Variants in IGSF11 observed in about 807,000 individuals in gnomAD.
IGSF11 encodes CXADR like 1.
Under a neutral mutation model 41.0 loss-of-function variants are expected in IGSF11, and 22 were observed. The observed-to-expected ratio is 0.54, with a 90% CI of 0.38 to 0.77. The LOEUF (loss-of-function observed/expected upper bound fraction) is 0.77. IGSF11 is among the 30% of genes least tolerant of loss of function. The probability of loss-of-function intolerance (pLI) is 0.00; values close to 1 mark genes in which losing one functional copy is unlikely to be tolerated. For missense variants in IGSF11, 444 were observed against 530.8 expected, an observed-to-expected ratio of 0.84 and a Z score of 1.61; for synonymous variants, 219 against 201.3, an observed-to-expected ratio of 1.09 and a Z score of -0.74.
At chr3:118,968,072 G>A (rs1353343536) in intron 1 of IGSF11, among the ~76,000 whole-genome samples, 1 of 152,160 alleles carries the variant, frequency 6.6e-6, no homozygotes, top group African/African-American at 2.4e-5. Flanking sequence ...CAAATTATTT[G>A]TAAGGTGCCA....
chr3:118,948,302 GGCAGAGGAGTACTTATCT>G (rs1476002895), intron 1 of IGSF11: 1 of 152,190 alleles, frequency 6.6e-6, no homozygotes, highest in Non-Finnish European at 1.5e-5. Flanking sequence ...GGGAGGAAAA[GGCAGAGGAGTACTTATCT>G]GCAGGAAATC....
intron 1 of IGSF11, among the ~76,000 whole-genome samples, chr3:118,931,196 T>C (rs924661723): frequency 6.6e-6 from 1 of 152,152 alleles, no homozygotes; most frequent in African/African-American, 2.4e-5. Context: ...ATTCTGAATA[T>C]AAAATCAACA....
chr3:119,046,097 C>G (rs1201472109), intron 1 of IGSF11, among the ~76,000 whole-genome samples: 4 of 151,670 alleles, frequency 2.6e-5, no homozygotes, highest in Admixed American at 2.6e-4. Context: ...CTCTCCACCT[C>G]CAAAGGAACG....
At chr3:119,005,429 T>C (rs984404340) in intron 1 of IGSF11, among the ~76,000 whole-genome samples, 1 of 151,300 alleles carries the variant, frequency 6.6e-6, no homozygotes, top group Non-Finnish European at 1.5e-5. Context: ...CTCGCCAGTC[T>C]GTGTCTTTTA....
At chr3:118,943,026 CCTGGAGA>C (rs1377719710) in intron 1 of IGSF11, 2 of 152,256 alleles carry the variant, frequency 1.3e-5, no homozygotes, top group Non-Finnish European at 2.9e-5. Context: ...GTATGGCTGT[CCTGGAGA>C]CTGGAGCTCT....
intron 5 of IGSF11, 75 bp downstream of exon 5, chr3:118,905,521 C>T (rs1559870112): frequency 2.7e-6 from 4 of 1,482,536 alleles, no homozygotes; most frequent in Non-Finnish European, 3.7e-6. Context: ...TTCAGCAGAA[C>T]CCTTCATTTT....
intron 1 of IGSF11, among the ~76,000 whole-genome samples, chr3:119,057,642 CA>C (rs1269603275): frequency 6.6e-6 from 1 of 152,108 alleles, no homozygotes; most frequent in Non-Finnish European, 1.5e-5. Flanking sequence ...CATGTGGAAC[CA>C]AAAAAGAACC....
At chr3:118,985,019 G>A (rs1011084003) in intron 1 of IGSF11, among the ~76,000 whole-genome samples, 2 of 152,004 alleles carry the variant, frequency 1.3e-5, no homozygotes, top group Admixed American at 6.6e-5. Context: ...GAATACATCC[G>A]GACTTTTTCT....
At chr3:119,033,169 G>C (rs79359004) in intron 1 of IGSF11, among the ~76,000 whole-genome samples, 1 of 152,124 alleles carries the variant, frequency 6.6e-6, no homozygotes, top group African/African-American at 2.4e-5. Flanking sequence ...TACAAAAAGA[G>C]GAGCATTTAT....
intron 1 of IGSF11, among the ~76,000 whole-genome samples, chr3:119,011,323 A>T (rs1938087122): frequency 1.3e-5 from 2 of 152,196 alleles, no homozygotes. Context: ...GAGCCCCCGG[A>T]TAGTGAGGGA....
Position 118,928,725 on chromosome 3 carries a change from G to C in IGSF11, c.217-9C>G, listed in dbSNP as rs1486661529. 1.2e-6 allele frequency: 2 copies of C among 1,608,184 alleles called. No homozygotes were observed. Among genetic ancestry groups the C allele is most frequent in the Non-Finnish European group, 1.7e-6 (2 of 1,176,714 alleles). Reference sequence around the variant, plus strand: ...CCCTGATACAGGATGACCTGGAAAAGAAAGCAAAATAAATAAACTGGCCAC... The same window carrying C: ...CCCTGATACAGGATGACCTGGAAAACAAAGCAAAATAAATAAACTGGCCAC... On this transcript the variant is annotated splice_polypyrimidine_tract_variant and intron_variant, in intron 2 of 6. Coordinates refer to ENST00000393775, the MANE Select transcript of IGSF11 (RefSeq NM_001015887.3).
intron 1 of IGSF11, among the ~76,000 whole-genome samples, chr3:119,092,375 T>C (rs1473018152): frequency 6.6e-6 from 1 of 152,092 alleles, no homozygotes; most frequent in Admixed American, 6.5e-5. Flanking sequence ...CTCGCTCTGT[T>C]GACCAGGCTG....
intron 1 of IGSF11, among the ~76,000 whole-genome samples, chr3:119,033,695 A>G (rs1940634278): frequency 6.6e-6 from 1 of 152,044 alleles, no homozygotes; most frequent in Non-Finnish European, 1.5e-5. Context: ...AACATCCTTC[A>G]GAAAAAAAAT....
intron 1 of IGSF11, among the ~76,000 whole-genome samples, chr3:118,964,853 G>A (rs1945563626): frequency 6.6e-6 from 1 of 152,108 alleles, no homozygotes; most frequent in African/African-American, 2.4e-5. Flanking sequence ...ATAGCTCATA[G>A]TTAGCCTCAG....
At chr3:118,905,307 A>T (rs532797861) in intron 5 of IGSF11, among the ~76,000 whole-genome samples, 7 of 152,356 alleles carry the variant, frequency 4.6e-5, no homozygotes, top group Admixed American at 3.9e-4. Flanking sequence ...TATACTCATA[A>T]GATTATTACC....
Position 118,902,980 on chromosome 3 carries a change from A to G in IGSF11, c.855-19T>C. The G allele has an allele frequency of 2.5e-6, 4 of 1,605,006 alleles. No individual in the cohort carries two copies. Among genetic ancestry groups the G allele is most frequent in the Non-Finnish European group, 3.4e-6 (4 of 1,172,716 alleles). ...ATCCTCTCTGAAAGGAACAAAATAAAGTCGTTGTTAGGATTTACTTCAAGT... is the reference window on the plus strand; with the variant it reads ...ATCCTCTCTGAAAGGAACAAAATAAGGTCGTTGTTAGGATTTACTTCAAGT... On this transcript the variant is annotated intron_variant, in intron 6 of 6. Coordinates refer to ENST00000393775, the MANE Select transcript of IGSF11 (RefSeq NM_001015887.3).
chr3:118,948,219 A>C (rs1243011834), intron 1 of IGSF11: 2 of 152,210 alleles, frequency 1.3e-5, no homozygotes, highest in East Asian at 3.8e-4. Flanking sequence ...TCAGATAATA[A>C]ATGTATTTTG....
chr3:119,086,709 C>T (rs1330941065), intron 1 of IGSF11, among the ~76,000 whole-genome samples: 1 of 152,180 alleles, frequency 6.6e-6, no homozygotes, highest in Non-Finnish European at 1.5e-5. Context: ...CCAGGACAAG[C>T]AAAGGTTGAG....
chr3:118,979,682 G>A (rs541880844), intron 1 of IGSF11, among the ~76,000 whole-genome samples: 1 of 152,204 alleles, frequency 6.6e-6, no homozygotes, highest in African/African-American at 2.4e-5. Context: ...AGACAAATGG[G>A]ACTATATTAA....
Sources: gnomAD v4.1 joint callset for allele counts (sites outside exome capture counted in the v4.1 genomes callset) on GRCh38, gnomAD v4.1.1 for gene constraint, MANE v1.5 for transcripts, NCBI Gene and HGNC (gene_info 2026-07-23, HGNC 2026-07-21) for gene names.